C8orf34: variants seen among roughly 807,000 people sequenced by gnomAD.
C8orf34 encodes uncharacterized protein C8orf34.
Under a neutral mutation model 68.3 loss-of-function variants are expected in C8orf34, and 65 were observed. That is an observed-to-expected ratio of 0.95 (90% CI 0.78 to 1.17). C8orf34 has a LOEUF of 1.17. Ranked by LOEUF, C8orf34 falls within the 50% of genes most tolerant of loss-of-function variation. The pLI is 0.00. For synonymous variants in C8orf34, 244 were observed against 241.2 expected (o/e 1.01, Z -0.11); for missense variants, 664 against 655.4 (o/e 1.01, Z -0.14).
At chr8:68,538,610 GCTTT>G (rs1815581142) in intron 7 of C8orf34, among the ~76,000 whole-genome samples, 1 of 151,602 alleles carries the variant, frequency 6.6e-6, no homozygotes, top group South Asian at 2.1e-4. Context: ...GAAAAAAAAA[GCTTT>G]CTTTAGCTTT....
At chr8:68,743,857 G>A (rs58238359) in intron 10 of C8orf34, among the ~76,000 whole-genome samples, 108,135 of 152,036 alleles carry the variant, frequency 0.71, 38,667 homozygotes, top group African/African-American at 0.77. Context: ...AGCAGCCCCG[G>A]AGCTGGAACT....
intron 7 of C8orf34, among the ~76,000 whole-genome samples, chr8:68,581,166 G>A (rs959410795): frequency 1.4e-4 from 22 of 152,058 alleles, no homozygotes; most frequent in Non-Finnish European, 8.8e-5. Context: ...GTAAACTTGC[G>A]TATTTCTTAT....
intron 1 of C8orf34, among the ~76,000 whole-genome samples, chr8:68,395,317 T>TG (rs1239717670): frequency 1.3e-5 from 2 of 151,304 alleles, no homozygotes; most frequent in Non-Finnish European, 2.9e-5. Flanking sequence ...CCTCTCTGAA[T>TG]GCAAGCTACA....
chr8:68,602,331 T>A (rs1817722258), intron 7 of C8orf34, among the ~76,000 whole-genome samples: 1 of 152,116 alleles, frequency 6.6e-6, no homozygotes, highest in Non-Finnish European at 1.5e-5. Flanking sequence ...AGAGAATGGG[T>A]AATTTGTAAA....
intron 6 of C8orf34, among the ~76,000 whole-genome samples, chr8:68,522,996 C>A (rs532641865): frequency 1.3e-5 from 2 of 152,106 alleles, no homozygotes; most frequent in African/African-American, 4.8e-5. Flanking sequence ...GGGTTCTTTG[C>A]GGTGACTTAT....
chr8:68,551,508 T>G (rs1023060087), intron 7 of C8orf34, among the ~76,000 whole-genome samples: 22 of 152,214 alleles, frequency 1.4e-4, no homozygotes, highest in African/African-American at 5.1e-4. Context: ...TATATCTGAA[T>G]CTGGTTACTT....
At chr8:68,396,280 A>T (rs956637888) in intron 1 of C8orf34, among the ~76,000 whole-genome samples, 5 of 152,098 alleles carry the variant, frequency 3.3e-5, no homozygotes, top group African/African-American at 7.2e-5. Flanking sequence ...ATGTTTTAAA[A>T]TTTATAATAT....
intron 8 of C8orf34, among the ~76,000 whole-genome samples, chr8:68,643,821 A>T (rs191552467): frequency 3.9e-5 from 6 of 152,158 alleles, no homozygotes; most frequent in Non-Finnish European, 5.9e-5. Flanking sequence ...TTTCACATAA[A>T]AAAAAATCAG....
chr8:68,477,130 G>T (rs1410829557), intron 4 of C8orf34, among the ~76,000 whole-genome samples: 1 of 152,136 alleles, frequency 6.6e-6, no homozygotes, highest in African/African-American at 2.4e-5. Flanking sequence ...TGATAAAGGG[G>T]TGTCTATTTT....
At chr8:68,475,324 A>G (rs920738418) in intron 4 of C8orf34, among the ~76,000 whole-genome samples, 1 of 152,098 alleles carries the variant, frequency 6.6e-6, no homozygotes, top group African/African-American at 2.4e-5. Context: ...CTTATATGCT[A>G]TGATCTGTTT....
intron 7 of C8orf34, among the ~76,000 whole-genome samples, chr8:68,603,594 A>G (rs1337792237): frequency 1.4e-5 from 2 of 144,170 alleles, no homozygotes; most frequent in Non-Finnish European, 3.0e-5. Flanking sequence ...TTACTGGTAC[A>G]TACAGCATTA....
chr8:68,370,641 T>G (rs1290932695), intron 1 of C8orf34, among the ~76,000 whole-genome samples: 2 of 152,206 alleles, frequency 1.3e-5, no homozygotes, highest in Admixed American at 6.5e-5. Context: ...TTGGATTCTT[T>G]CCTTTGTATC....
chr8:68,690,682 A>G (rs1294276894), intron 8 of C8orf34, among the ~76,000 whole-genome samples: 2 of 152,084 alleles, frequency 1.3e-5, no homozygotes, highest in African/African-American at 2.4e-5. Flanking sequence ...CTGTCAAAGT[A>G]GAGACTAAAT....
At chr8:68,610,675 C>T (rs1460975582) in intron 7 of C8orf34, among the ~76,000 whole-genome samples, 1 of 151,982 alleles carries the variant, frequency 6.6e-6, no homozygotes, top group Admixed American at 6.6e-5. Context: ...ATGCCTTTCT[C>T]CGTTTTTAAG....
intron 8 of C8orf34, among the ~76,000 whole-genome samples, chr8:68,690,842 A>G (rs1820666522): frequency 6.6e-6 from 1 of 152,070 alleles, no homozygotes; most frequent in Non-Finnish European, 1.5e-5. Flanking sequence ...TGAAAATATA[A>G]CTTAACTATG....
At chr8:68,743,604 G>C (rs994820009) in intron 10 of C8orf34, among the ~76,000 whole-genome samples, 6 of 152,228 alleles carry the variant, frequency 3.9e-5, no homozygotes, top group Non-Finnish European at 4.4e-5. Context: ...CCCTTTCCTA[G>C]TCAAAGAAAG....
intron 7 of C8orf34, among the ~76,000 whole-genome samples, chr8:68,584,587 C>G (rs960638061): frequency 1.3e-5 from 2 of 152,088 alleles, no homozygotes; most frequent in Non-Finnish European, 2.9e-5. Context: ...AAGGGAACAG[C>G]TGGGAATCAT....
At chr8:68,661,566 G>A (rs2130810520) in intron 8 of C8orf34, among the ~76,000 whole-genome samples, 1 of 152,294 alleles carries the variant, frequency 6.6e-6, no homozygotes. Context: ...CTAAAAGCAG[G>A]CTGCCGGTTG....
At chr8:68,497,913 C>T (rs535917676) in intron 5 of C8orf34, among the ~76,000 whole-genome samples, 1 of 152,260 alleles carries the variant, frequency 6.6e-6, no homozygotes, top group South Asian at 2.1e-4. Flanking sequence ...ACCGCAACCT[C>T]CGCCTCCCGG....
Sources: allele counts gnomAD v4.1 joint callset (sites outside exome capture counted in the v4.1 genomes callset), GRCh38; gene constraint gnomAD v4.1.1; transcripts MANE v1.5; gene names NCBI Gene and HGNC (gene_info 2026-07-23, HGNC 2026-07-21).